MIER2: variants seen among roughly 807,000 people sequenced by gnomAD.
The protein encoded by MIER2 is mesoderm induction early response protein 2.
A neutral mutation model predicts 67.6 loss-of-function variants in MIER2; 30 were observed. That is an observed-to-expected ratio of 0.44 (90% CI 0.33 to 0.60). The LOEUF (loss-of-function observed/expected upper bound fraction) is 0.60, where lower values mean the gene tolerates loss of function less well. Ranked by LOEUF, MIER2 falls within the 20% of genes least tolerant of loss-of-function variation. MIER2 has a pLI of 0.02. For synonymous variants in MIER2, 372 were observed against 312.6 expected, an observed-to-expected ratio of 1.19 and a Z score of -2.00; for missense variants, 702 against 745.1, an observed-to-expected ratio of 0.94 and a Z score of 0.67.
rs1970615874 is a variant in MIER2 at position 305,630 on chromosome 19, T to C, written c.*1060A>G. On this transcript the variant is annotated 3_prime_UTR_variant, in exon 14 of 14. Transcript: ENST00000264819. ...AGCAAAGGGGGGTTCAAGGCAGTTA[T>C]CACTTCACAGTGTGGTCCTTGGTGG... 1 of 152,412 alleles carries C rather than the reference T, an allele frequency of 6.6e-6. No homozygotes were observed. Among genetic ancestry groups the C allele is most frequent in the Non-Finnish European group, 1.5e-5 (1 of 68,042 alleles). 9.4% of individuals were successfully genotyped at this position (152,412 alleles called of 1,614,324 possible).
chr19:321,329 C>T (rs1971492861), intron 7 of MIER2, among the ~76,000 whole-genome samples: 1 of 152,182 alleles, frequency 6.6e-6, no homozygotes, highest in African/African-American at 2.4e-5. Context: ...TTCCACCGTG[C>T]ACCGTTAACT....
At position 306,742 on chromosome 19, in the gene MIER2, G is replaced by C. The variant is rs368468575; in HGVS notation, c.1617-31C>G. 1.9e-5 allele frequency: 30 copies of C among 1,555,728 alleles called. No individual in the cohort carries two copies. The East Asian group carries it at 2.4e-4, about 13-fold the overall frequency. On this transcript the variant is annotated intron_variant, in intron 13 of 13. Transcript: ENST00000264819. ...GGGGAGAGACCAAGAGAGACGCAGAGAGTGTCAGTGCGGCCCCACGTGCCT... is the reference window on the plus strand; with the variant it reads ...GGGGAGAGACCAAGAGAGACGCAGACAGTGTCAGTGCGGCCCCACGTGCCT...
At chr19:310,212 C>T (rs1970889060) in intron 10 of MIER2, among the ~76,000 whole-genome samples, 1 of 152,214 alleles carries the variant, frequency 6.6e-6, no homozygotes, top group Non-Finnish European at 1.5e-5. Context: ...CTGGTGATGG[C>T]GGAAAAGACC....
intron 1 of MIER2, chr19:344,281 G>C: frequency 2.0e-6 from 2 of 985,118 alleles, no homozygotes; most frequent in Non-Finnish European, 2.4e-6. Flanking sequence ...CGGGGGGCTC[G>C]CGGGCGGCGG....
rs866839931 is a variant in MIER2 at position 307,188 on chromosome 19, T to C, written c.1547A>G (p.Asp516Gly). ...VTEFGLIGIG[D>G]VNPFLAAHPT... ...GTGGGCGGCCAGGAAGGGGTTCACG[T>C]CCCCAATGCCGATGAGTCCAAACTC... The change falls in exon 13 of 14, where the codon GAC (aspartate) becomes GGC (glycine). Residue 516 changes from aspartate (D) to glycine (G), a missense_variant. Transcript: ENST00000264819. 2.5e-6 allele frequency: 4 copies of C among 1,589,596 alleles called. No homozygotes were observed. The South Asian group carries it at 4.6e-5, about 18-fold the overall frequency.
chr19:329,866 C>CAAAAA (rs36067469), intron 3 of MIER2, among the ~76,000 whole-genome samples: 11 of 94,790 alleles, frequency 1.2e-4, no homozygotes, highest in African/African-American at 4.0e-4. Context: ...TACTCCGTCT[C>CAAAAA]AAAAAAAAAA....
At chr19:335,678 G>A (rs1384815261) in intron 2 of MIER2, among the ~76,000 whole-genome samples, 1 of 152,210 alleles carries the variant, frequency 6.6e-6, no homozygotes, top group Non-Finnish European at 1.5e-5. Context: ...CACTGGGCAA[G>A]CAGCAGCGCA....
intron 3 of MIER2, among the ~76,000 whole-genome samples, chr19:332,287 A>C (rs547740361): frequency 1.1e-4 from 17 of 151,946 alleles, no homozygotes; most frequent in African/African-American, 4.1e-4. Flanking sequence ...TTAGCGAATA[A>C]GTATTTTTAC....
Position 308,695 on chromosome 19 carries a change from C to T in MIER2, c.1110-30G>A, listed in dbSNP as rs777622326. 1.1e-5 allele frequency: 17 copies of T among 1,596,964 alleles called. No individual in the cohort carries two copies. Among genetic ancestry groups the T allele is most frequent in the Non-Finnish European group, 1.4e-5 (17 of 1,172,864 alleles). On this transcript the variant is annotated intron_variant, in intron 11 of 13. Transcript: ENST00000264819. The surrounding 1 kb of genome is among the most constrained non-coding windows in gnomAD (Gnocchi z 9.1). The stretch of plus-strand genomic sequence containing the variant: ...GGGGAGAGGGCGCCATGAGGGGCGG[C>T]AGACAGGACAGACGCCCCCACCCAA...
At chr19:309,617 G>A (rs1970835559) in intron 10 of MIER2, among the ~76,000 whole-genome samples, 2 of 92,034 alleles carry the variant, frequency 2.2e-5, no homozygotes, top group Non-Finnish European at 2.0e-5. Context: ...GACGAGAAGG[G>A]ACACACACAC....
chr19:340,233 G>C (rs1053122371), intron 1 of MIER2, among the ~76,000 whole-genome samples: 16 of 152,218 alleles, frequency 1.1e-4, no homozygotes, highest in African/African-American at 3.9e-4. Context: ...ACACCTTCCA[G>C]CCCATCACAC....
intron 12 of MIER2, among the ~76,000 whole-genome samples, 178 bp from the exon 13 acceptor site, chr19:307,714 C>CA (rs1970720824): frequency 1.3e-5 from 2 of 149,202 alleles, no homozygotes; most frequent in Non-Finnish European, 3.0e-5. Flanking sequence ...TTAAGGGTCT[C>CA]AGCTTTAGAA....
At chr19:313,471 C>T in intron 8 of MIER2, 21 bp downstream of exon 8, 2 of 1,605,878 alleles carry the variant, frequency 1.2e-6, no homozygotes, top group Non-Finnish European at 8.5e-7. Context: ...GCCCCTCTGT[C>T]CCCGGCATGG....
chr19:321,434 T>C (rs1971179), intron 7 of MIER2, among the ~76,000 whole-genome samples: 64,742 of 151,918 alleles, frequency 0.43, 15,148 homozygotes, highest in East Asian at 0.67. Context: ...CACCTGAGGT[T>C]GGGAGTTCGA....
intron 1 of MIER2, chr19:344,498 C>T (rs1972650747): frequency 6.4e-6 from 3 of 469,504 alleles, no homozygotes; most frequent in Non-Finnish European, 8.3e-6. Context: ...CCTCCCCTCC[C>T]CCACCCCGGC....
At chr19:338,164 C>T (rs1297296926) in intron 1 of MIER2, among the ~76,000 whole-genome samples, 2 of 103,366 alleles carry the variant, frequency 1.9e-5, no homozygotes, top group Admixed American at 2.5e-4. Flanking sequence ...CAGCAAGACT[C>T]CATCTCAAAA....
At chr19:319,363 C>A (rs374599527) in intron 7 of MIER2, among the ~76,000 whole-genome samples, 5 of 152,176 alleles carry the variant, frequency 3.3e-5, no homozygotes, top group Admixed American at 2.0e-4. Context: ...CCCTGTCACA[C>A]ACACACACAA....
At chr19:334,298 A>G in intron 3 of MIER2, 102 bp downstream of exon 3, 3 of 1,520,038 alleles carry the variant, frequency 2.0e-6, no homozygotes, top group Non-Finnish European at 1.8e-6. Flanking sequence ...AAGATGTACA[A>G]TTTAGCACTT....
chr19:324,427 A>G (rs1971640850), intron 7 of MIER2, among the ~76,000 whole-genome samples: 1 of 138,984 alleles, frequency 7.2e-6, no homozygotes, highest in Non-Finnish European at 1.5e-5. Context: ...AAAGACACAC[A>G]CAACCACGCA....
Sources: allele counts gnomAD v4.1 joint callset (sites outside exome capture counted in the v4.1 genomes callset), GRCh38; gene constraint gnomAD v4.1.1; non-coding constraint Gnocchi (gnomAD v3.1); transcripts MANE v1.5; gene names NCBI Gene and HGNC (gene_info 2026-07-23, HGNC 2026-07-21).